Variants in SV2B observed in about 807,000 individuals in gnomAD.
SV2B encodes the protein synaptic vesicle glycoprotein 2B.
A neutral mutation model predicts 73.9 loss-of-function variants in SV2B; 41 were observed. The observed-to-expected ratio is 0.56, with a 90% CI of 0.43 to 0.72. SV2B has a LOEUF of 0.72. SV2B is among the 30% of genes least tolerant of loss of function. The pLI is 0.00. For synonymous variants in SV2B, 314 were observed against 314.2 expected (o/e 1.00, Z 0.01); for missense variants, 764 against 857.8 (o/e 0.89, Z 1.37).
At chr15:91,269,515 T>C (rs2048223543) in intron 9 of SV2B, among the ~76,000 whole-genome samples, 1 of 152,168 alleles carries the variant, frequency 6.6e-6, no homozygotes, top group Admixed American at 6.5e-5. Flanking sequence ...AATACAAAAT[T>C]AACACCACGA....
chr15:91,283,297 C>T lies in SV2B; in HGVS notation c.1508-724C>T, dbSNP rs538638500. The stretch of plus-strand genomic sequence containing the variant: ...ACTACAGCATGGGCTCTGGAGTGAT[C>T]GGCTCCATCTGGAACCAACTCTCTT... On this transcript the variant is annotated intron_variant, in intron 10 of 12. Coordinates refer to ENST00000394232, the MANE Select transcript of SV2B (RefSeq NM_001323032.3). This position sits in a 1 kb window ranked among gnomAD's most constrained non-coding sequence, Gnocchi z 4.3. Among the ~76,000 whole-genome samples the T allele has an allele frequency of 9.8e-5, 15 of 152,308 alleles. No individual in the cohort carries two copies. The highest frequency in any genetic ancestry group is 5.9e-4 in the Admixed American group (9 of 15,296).
chr15:91,210,468 A>C (rs1183572647), intron 1 of SV2B, among the ~76,000 whole-genome samples: 1 of 152,192 alleles, frequency 6.6e-6, no homozygotes, highest in Non-Finnish European at 1.5e-5. Context: ...GGTAGTTTCA[A>C]GAAAGGCTAA....
intron 1 of SV2B, among the ~76,000 whole-genome samples, chr15:91,202,665 T>A (rs892794572): frequency 9.2e-5 from 14 of 152,152 alleles, no homozygotes; most frequent in African/African-American, 2.9e-4. Flanking sequence ...ATTAATGCTC[T>A]GGGGATCAAC....
At chr15:91,149,928 A>C (rs2043261530) in intron 1 of SV2B, among the ~76,000 whole-genome samples, 1 of 152,216 alleles carries the variant, frequency 6.6e-6, no homozygotes, top group Non-Finnish European at 1.5e-5. Flanking sequence ...CCAGTGGCAG[A>C]AAGTTCTTCT....
At chr15:91,205,797 A>G (rs1276913109) in intron 1 of SV2B, among the ~76,000 whole-genome samples, 2 of 152,232 alleles carry the variant, frequency 1.3e-5, no homozygotes, top group Non-Finnish European at 2.9e-5. Context: ...GTCTATCTCC[A>G]ATATCATTTA....
intron 2 of SV2B, among the ~76,000 whole-genome samples, chr15:91,248,015 T>A (rs561511331): frequency 1.3e-5 from 2 of 152,308 alleles, no homozygotes; most frequent in African/African-American, 4.8e-5. Context: ...GGAGCACCTG[T>A]GATATTTTGA....
In SV2B at chr15:91,131,432, CAT is replaced by C. The variant is rs1191639904; in HGVS notation, c.-392+31074_-392+31075del. 4.6e-5 allele frequency among the ~76,000 whole-genome samples: 7 copies of C among 151,816 alleles called. No homozygotes were observed. The East Asian group carries it at 5.8e-4, about 13-fold the overall frequency. ...GCACACATATATGTATACATATACA[CAT>C]ATATGTTTGTGTGTGTATGTGTATA... is the stretch of plus-strand genomic sequence containing the variant. On this transcript the variant is annotated intron_variant, in intron 1 of 12. Coordinates refer to ENST00000394232, the MANE Select transcript of SV2B (RefSeq NM_001323032.3).
At chr15:91,133,442 G>T (rs142341784) in intron 1 of SV2B, among the ~76,000 whole-genome samples, 21 of 151,976 alleles carry the variant, frequency 1.4e-4, no homozygotes, top group Non-Finnish European at 2.5e-4. Flanking sequence ...AAATGCACTG[G>T]AATTGACAAA....
At chr15:91,263,404 G>A in intron 6 of SV2B, among the ~76,000 whole-genome samples, 2 of 143,824 alleles carry the variant, frequency 1.4e-5, no homozygotes, top group African/African-American at 2.6e-5. Context: ...ACAGACACAG[G>A]AACACAAACA....
chr15:91,226,835 A>T, intron 2 of SV2B, 121 bp downstream of exon 2: 1 of 1,246,816 alleles, frequency 8.0e-7, no homozygotes, highest in South Asian at 1.6e-5. Context: ...CTGTGAAGGA[A>T]TTTTTGTCTT....
chr15:91,237,145 A>G (rs961102102), intron 2 of SV2B, among the ~76,000 whole-genome samples: 3 of 152,208 alleles, frequency 2.0e-5, no homozygotes, highest in Non-Finnish European at 4.4e-5. Context: ...TCTGGAGAGC[A>G]TGTGAAACCA....
intron 9 of SV2B, among the ~76,000 whole-genome samples, chr15:91,274,474 C>A (rs2048418855): frequency 6.6e-6 from 1 of 152,050 alleles, no homozygotes; most frequent in African/African-American, 2.4e-5. Flanking sequence ...TTTAGATGAC[C>A]AATTCATTTT....
intron 1 of SV2B, among the ~76,000 whole-genome samples, chr15:91,152,361 C>T (rs890937078): frequency 6.6e-6 from 1 of 152,126 alleles, no homozygotes; most frequent in Non-Finnish European, 1.5e-5. Flanking sequence ...TTGCTGATAT[C>T]GCAGCTGGGA....
Position 91,293,810 on chromosome 15 carries a change from G to A in SV2B, c.*1258G>A, listed in dbSNP as rs757941409. The A allele has an allele frequency of 1.3e-5, 2 of 152,254 alleles. No homozygotes were observed. Among genetic ancestry groups the A allele is most frequent in the Non-Finnish European group, 2.9e-5 (2 of 68,056 alleles). The allele number at this position is 152,254 out of a possible 1,614,324, so 9.4% of individuals were successfully genotyped here. ...AGCTTTTGAAACAGAGTCCATTGGA[G>A]TGGGAGTTAGGGAGTGTAGTGGATG... is the stretch of plus-strand genomic sequence containing the variant. On this transcript the variant is annotated 3_prime_UTR_variant, in exon 13 of 13. Transcript: ENST00000394232.
At chr15:91,271,205 T>C (rs964400152) in intron 9 of SV2B, among the ~76,000 whole-genome samples, 3 of 136,228 alleles carry the variant, frequency 2.2e-5, no homozygotes, top group Non-Finnish European at 4.8e-5. Context: ...CTGAGGAACA[T>C]TATGGATGAC....
intron 2 of SV2B, among the ~76,000 whole-genome samples, chr15:91,249,829 C>A (rs2047411659): frequency 6.6e-6 from 1 of 152,152 alleles, no homozygotes; most frequent in South Asian, 2.1e-4. Flanking sequence ...AATAGAAAAT[C>A]TTAACAAACC....
At chr15:91,157,852 G>T (rs978446312) in intron 1 of SV2B, among the ~76,000 whole-genome samples, 5 of 152,186 alleles carry the variant, frequency 3.3e-5, no homozygotes, top group Non-Finnish European at 7.3e-5. Context: ...TTTGTCCTTT[G>T]TGTATACTTC....
chr15:91,252,618 C>T lies in SV2B; in HGVS notation c.784+98C>T. The T allele has an allele frequency of 3.8e-6, 5 of 1,305,230 alleles. No individual in the cohort carries two copies. The highest frequency in any genetic ancestry group is 5.0e-6 in the Non-Finnish European group (5 of 1,000,874). 80.9% of individuals were successfully genotyped at this position (1,305,230 alleles called of 1,614,324 possible). On this transcript the variant is annotated intron_variant, in intron 4 of 12. Coordinates refer to ENST00000394232, the MANE Select transcript of SV2B (RefSeq NM_001323032.3). This position sits in a 1 kb window ranked among gnomAD's most constrained non-coding sequence, Gnocchi z 4.6. The stretch of plus-strand genomic sequence containing the variant: ...CTCAGCCTTATTCCATGTACTCACG[C>T]ACAGTTCCCGTACGTGACCTTGATC...
rs1465680762 is a variant in SV2B at position 91,232,082 on chromosome 15, T to C, written c.451+5368T>C. Among the ~76,000 whole-genome samples, 1 of 152,208 alleles carries C rather than the reference T, an allele frequency of 6.6e-6. No individual in the cohort carries two copies. The highest frequency in any genetic ancestry group is 1.5e-5 in the Non-Finnish European group (1 of 68,032). On this transcript the variant is annotated intron_variant, in intron 2 of 12. Transcript: ENST00000394232. This position sits in a 1 kb window ranked among gnomAD's most constrained non-coding sequence, Gnocchi z 4.7. ...TTTGATTTATGAGCCGTGTTTTCTTTAGGCCTAAATTCATTGTCAGTTCCT... is the reference window on the plus strand; with the variant it reads ...TTTGATTTATGAGCCGTGTTTTCTTCAGGCCTAAATTCATTGTCAGTTCCT...
Sources: gnomAD v4.1 joint callset for allele counts (sites outside exome capture counted in the v4.1 genomes callset) on GRCh38, gnomAD v4.1.1 for gene constraint, Gnocchi (gnomAD v3.1) non-coding constraint, MANE v1.5 for transcripts, NCBI Gene and HGNC (gene_info 2026-07-23, HGNC 2026-07-21) for gene names.